CACNA1A: variants seen among roughly 807,000 people sequenced by gnomAD.
The protein encoded by CACNA1A is calcium voltage-gated channel subunit alpha1 A.
In CACNA1A, 57 loss-of-function variants were observed where a neutral mutation model predicts 262.4. The ratio of observed to expected loss-of-function variants is 0.22; its 90% confidence interval spans 0.18 to 0.27. CACNA1A has a LOEUF of 0.27. Ranked by LOEUF, CACNA1A falls within the 10% of genes least tolerant of loss-of-function variation. The probability of loss-of-function intolerance (pLI) is 1.00; values close to 1 mark genes in which losing one functional copy is unlikely to be tolerated. For synonymous variants in CACNA1A, 1,431 were observed against 1,419.3 expected, an observed-to-expected ratio of 1.01 and a Z score of -0.18; for missense variants, 2,526 against 3,562.8, an observed-to-expected ratio of 0.71 and a Z score of 7.41.
At chr19:13,403,262 A>AGTGAAGTGTTGTTCTTTGCCT (rs2059942191) in intron 3 of CACNA1A, among the ~76,000 whole-genome samples, 2 of 152,182 alleles carry the variant, frequency 1.3e-5, no homozygotes, top group South Asian at 4.1e-4. Context: ...TGTTGATCTG[A>AGTGAAGTGTTGTTCTTTGCCT]GTGAAGTGTT....
chr19:13,469,710 C>T (rs532730707), intron 1 of CACNA1A, among the ~76,000 whole-genome samples: 17 of 151,112 alleles, frequency 1.1e-4, no homozygotes, highest in African/African-American at 3.9e-4. Context: ...CCGCCCGCCT[C>T]GGCTCCCCAA....
At chr19:13,303,687 G>A in intron 16 of CACNA1A, 74 bp from the exon 17 acceptor site, 2 of 1,554,934 alleles carry the variant, frequency 1.3e-6, no homozygotes, top group Non-Finnish European at 1.8e-6. Flanking sequence ...GGGTCTCTCA[G>A]TACCCTCCCT....
intron 1 of CACNA1A, among the ~76,000 whole-genome samples, chr19:13,482,223 C>G (rs1322649006): frequency 6.6e-6 from 1 of 152,146 alleles, no homozygotes; most frequent in Non-Finnish European, 1.5e-5. Flanking sequence ...CGGTGGCTCA[C>G]GTCTGTAATC....
intron 29 of CACNA1A, 99 bp downstream of exon 29, chr19:13,254,996 G>A (rs1352701164): frequency 8.1e-7 from 1 of 1,237,644 alleles, no homozygotes; most frequent in African/African-American, 1.5e-5. Context: ...TCCAGAGTGT[G>A]GTCTGTCTGG....
chr19:13,461,264 C>T (rs2061117046), intron 1 of CACNA1A, among the ~76,000 whole-genome samples: 1 of 152,074 alleles, frequency 6.6e-6, no homozygotes, highest in South Asian at 2.1e-4. Flanking sequence ...CACCTGAACC[C>T]GGGAAGCAGA....
Position 13,464,543 on chromosome 19 carries a change from A to ATTTTTTTTTTTTTTTTTTTTTT in CACNA1A, c.294-9353_294-9332dup, listed in dbSNP as rs540418372. ...CTGCTAATAGTAAATAACTTTTCCA[A>ATTTTTTTTTTTTTTTTTTTTTT]TTTTTTTTTTTTTTTTTTTTTTAGA... On this transcript the variant is annotated intron_variant, in intron 1 of 46. Coordinates refer to ENST00000360228, the MANE Select transcript of CACNA1A (RefSeq NM_001127222.2). Among the ~76,000 whole-genome samples the ATTTTTTTTTTTTTTTTTTTTTT allele has an allele frequency of 3.2e-4, 41 of 128,942 alleles. 1 individual carries two copies. Among genetic ancestry groups the ATTTTTTTTTTTTTTTTTTTTTT allele is most frequent in the African/African-American group, 1.1e-3 (35 of 32,068 alleles). 84.6% of individuals were successfully genotyped at this position (128,942 alleles called of 152,430 possible).
chr19:13,415,635 G>A (rs1350702783), intron 3 of CACNA1A, among the ~76,000 whole-genome samples: 1 of 151,326 alleles, frequency 6.6e-6, no homozygotes, highest in African/African-American at 2.4e-5. Context: ...CAGCTACTGG[G>A]GAGGATGAGG....
At chr19:13,377,373 A>ATT (rs1169102792) in intron 3 of CACNA1A, among the ~76,000 whole-genome samples, 16 of 140,134 alleles carry the variant, frequency 1.1e-4, no homozygotes, top group Non-Finnish European at 1.7e-4. Context: ...CTAACACAAC[A>ATT]TTTTTTTTTT....
intron 3 of CACNA1A, among the ~76,000 whole-genome samples, chr19:13,431,761 T>A (rs1361011523): frequency 6.6e-6 from 1 of 151,996 alleles, no homozygotes; most frequent in African/African-American, 2.4e-5. Context: ...TATACTAAGA[T>A]GAAACAAGCC....
At chr19:13,498,943 C>A (rs1333192664) in intron 1 of CACNA1A, among the ~76,000 whole-genome samples, 1 of 152,132 alleles carries the variant, frequency 6.6e-6, no homozygotes, top group Non-Finnish European at 1.5e-5. Context: ...AGAACTGAGG[C>A]CCAGTGGTTT....
At chr19:13,247,361 C>G (rs375823021) in intron 30 of CACNA1A, among the ~76,000 whole-genome samples, 1 of 152,124 alleles carries the variant, frequency 6.6e-6, no homozygotes, top group Non-Finnish European at 1.5e-5. Flanking sequence ...AGTAGGTGCC[C>G]AACAGATGGG....
At position 13,385,625 on chromosome 19, in the gene CACNA1A, G is replaced by C. The variant is rs144024933; in HGVS notation, c.540-13846C>G. 1.1e-4 allele frequency among the ~76,000 whole-genome samples: 17 copies of C among 152,226 alleles called. 1 individual carries two copies. The highest frequency in any genetic ancestry group is 2.9e-4 in the African/African-American group (12 of 41,528). ...CCTACTGCCTTGGACTCCTGAGTAGGTGGAACTATAGGCCTAAGCCACTGT... is the reference window on the plus strand; with the variant it reads ...CCTACTGCCTTGGACTCCTGAGTAGCTGGAACTATAGGCCTAAGCCACTGT... On this transcript the variant is annotated intron_variant, in intron 3 of 46. Transcript: ENST00000360228.
chr19:13,258,853 A>C (rs1343122800), intron 27 of CACNA1A: 2 of 152,212 alleles, frequency 1.3e-5, no homozygotes, highest in African/African-American at 4.8e-5. Context: ...AATCTCAGTA[A>C]TCAAGATAAT....
Position 13,489,478 on chromosome 19 carries a change from C to T in CACNA1A, c.293+16454G>A, listed in dbSNP as rs188011373. Among the ~76,000 whole-genome samples, 20 of 151,830 alleles carry T rather than the reference C, an allele frequency of 1.3e-4. No homozygotes were observed. The East Asian group carries it at 3.1e-3, about 24-fold the overall frequency. On this transcript the variant is annotated intron_variant, in intron 1 of 46. Transcript: ENST00000360228. Reference sequence around the variant, plus strand: ...CAATTTTTGTATTTTTTTGTAGAGACGGGGTTTCACCATGTTGCCCAGCCT... The same window carrying T: ...CAATTTTTGTATTTTTTTGTAGAGATGGGGTTTCACCATGTTGCCCAGCCT...
intron 1 of CACNA1A, among the ~76,000 whole-genome samples, chr19:13,465,169 G>C (rs1249327148): frequency 6.6e-6 from 1 of 151,900 alleles, no homozygotes; most frequent in Non-Finnish European, 1.5e-5. Flanking sequence ...GACCTCAAGT[G>C]ATCTGCCCAC....
intron 4 of CACNA1A, chr19:13,371,402 T>G (rs1163590100): frequency 2.8e-6 from 1 of 357,574 alleles, no homozygotes; most frequent in African/African-American, 2.1e-5. Context: ...CCTATCAACT[T>G]CATAGGGCTG....
At chr19:13,415,653 T>C (rs1360156207) in intron 3 of CACNA1A, among the ~76,000 whole-genome samples, 1 of 148,012 alleles carries the variant, frequency 6.8e-6, no homozygotes, top group Non-Finnish European at 1.5e-5. Flanking sequence ...AGGCAGAGAA[T>C]TGCTTGAACC....
In CACNA1A at chr19:13,351,768, A is replaced by G. The variant is rs190378227; in HGVS notation, c.978+7838T>C. Among the ~76,000 whole-genome samples the G allele has an allele frequency of 8.1e-3, 1,235 of 152,096 alleles. 25 individuals are homozygous for G. The South Asian group carries it at 0.097, about 12-fold the overall frequency. ...CGTGATCCACCCGCCTCGGCCTCCC[A>G]AAGTGCTGGGATTACAGGCGTGAGC... is the stretch of plus-strand genomic sequence containing the variant. On this transcript the variant is annotated intron_variant, in intron 6 of 46. Coordinates refer to ENST00000360228, the MANE Select transcript of CACNA1A (RefSeq NM_001127222.2).
At chr19:13,295,491 C>A (rs1600264198) in intron 19 of CACNA1A, among the ~76,000 whole-genome samples, 1 of 143,966 alleles carries the variant, frequency 6.9e-6, no homozygotes, top group South Asian at 2.3e-4. Flanking sequence ...TTCTTTCTTT[C>A]TTTCTTTTTT....
Sources: gnomAD v4.1 joint callset for allele counts (sites outside exome capture counted in the v4.1 genomes callset) on GRCh38, gnomAD v4.1.1 for gene constraint, MANE v1.5 for transcripts, NCBI Gene and HGNC (gene_info 2026-07-23, HGNC 2026-07-21) for gene names.